PCNX2: variants seen among roughly 807,000 people sequenced by gnomAD.
PCNX2 encodes the protein pecanex 2, also known as pecanex-like protein 2.
PCNX2 carries 168 observed loss-of-function variants against 223.8 expected under a neutral mutation model. The observed-to-expected ratio is 0.75, with a 90% CI of 0.66 to 0.85. PCNX2 has a LOEUF of 0.85. Among genes scored for constraint, PCNX2 ranks in the 40% least tolerant of loss-of-function variants. PCNX2 has a pLI of 0.00. For missense variants in PCNX2, 2,507 were observed against 2,675.5 expected (o/e 0.94, Z 1.39); for synonymous variants, 1,006 against 1,052.6 (o/e 0.96, Z 0.86).
intron 1 of PCNX2, among the ~76,000 whole-genome samples, chr1:233,279,385 GTGTT>G (rs1263095676): frequency 2.3e-4 from 33 of 141,976 alleles, no homozygotes; most frequent in Non-Finnish European, 6.1e-5. Flanking sequence ...CAGCTAATTT[GTGTT>G]TGTGTGTGTG....
intron 23 of PCNX2, among the ~76,000 whole-genome samples, chr1:233,085,832 A>C (rs1364541722): frequency 6.6e-6 from 1 of 152,158 alleles, no homozygotes; most frequent in Non-Finnish European, 1.5e-5. Context: ...AGTCCCCAGC[A>C]GTTCCGATTC....
chr1:233,204,431 C>T (rs530489070), intron 13 of PCNX2, among the ~76,000 whole-genome samples: 1 of 152,288 alleles, frequency 6.6e-6, no homozygotes, highest in East Asian at 1.9e-4. Flanking sequence ...CTTCCTAGAG[C>T]TGTACACTTC....
chr1:233,176,919 G>A (rs1347168299), intron 17 of PCNX2, among the ~76,000 whole-genome samples: 1 of 152,218 alleles, frequency 6.6e-6, no homozygotes, highest in Non-Finnish European at 1.5e-5. Flanking sequence ...GGCTGAGGCA[G>A]GAGAATGGTG....
intron 1 of PCNX2, among the ~76,000 whole-genome samples, chr1:233,288,673 G>C (rs1415723340): frequency 6.6e-6 from 1 of 152,120 alleles, no homozygotes; most frequent in Non-Finnish European, 1.5e-5. Flanking sequence ...CAAGCCCTCT[G>C]CACATGCCGT....
chr1:233,236,746 A>C, intron 9 of PCNX2, 99 bp downstream of exon 9: 3 of 1,503,376 alleles, frequency 2.0e-6, no homozygotes, highest in Non-Finnish European at 2.7e-6. Context: ...ATTCAGGGAA[A>C]GAGCTGACTA....
intron 12 of PCNX2, among the ~76,000 whole-genome samples, chr1:233,209,609 A>G (rs1220774223): frequency 6.6e-6 from 1 of 152,224 alleles, no homozygotes; most frequent in Non-Finnish European, 1.5e-5. Flanking sequence ...ATATTTAGAA[A>G]TGCAATTTAA....
the PCNX2 span, among the ~76,000 whole-genome samples, chr1:233,325,381 A>G: frequency 6.6e-6 from 1 of 151,996 alleles, no homozygotes. Context: ...GACTGAGGCC[A>G]GGCACGATAG....
chr1:233,118,629 A>C (rs1487917554), intron 21 of PCNX2, among the ~76,000 whole-genome samples: 1 of 152,160 alleles, frequency 6.6e-6, no homozygotes, highest in African/African-American at 2.4e-5. Flanking sequence ...AGTCACTCAA[A>C]AAAAGGATCA....
intron 21 of PCNX2, among the ~76,000 whole-genome samples, chr1:233,117,825 A>G (rs1675507239): frequency 6.6e-6 from 1 of 151,456 alleles, no homozygotes; most frequent in Non-Finnish European, 1.5e-5. Flanking sequence ...CCCGGCTAAA[A>G]CGGTGAAACC....
chr1:233,252,529 T>C (rs200802063), intron 6 of PCNX2, 30 bp from the exon 7 acceptor site: 161 of 1,586,442 alleles, frequency 1.0e-4, no homozygotes, highest in Non-Finnish European at 1.3e-4. Context: ...TCAAAAAAAA[T>C]GATTAGAAGT....
chr1:233,297,818 G>A (rs554012461), upstream of PCNX2, among the ~76,000 whole-genome samples: 2 of 152,284 alleles, frequency 1.3e-5, no homozygotes, highest in South Asian at 4.1e-4. Context: ...TAGTACAGGG[G>A]CAAATGCTGA....
chr1:233,220,659 T>C (rs1172566683), intron 10 of PCNX2, among the ~76,000 whole-genome samples: 1 of 152,232 alleles, frequency 6.6e-6, no homozygotes, highest in Non-Finnish European at 1.5e-5. Flanking sequence ...TTTTAAGTGT[T>C]CTTTGTATAC....
chr1:233,023,889 C>G (rs1670992302), intron 26 of PCNX2, among the ~76,000 whole-genome samples: 1 of 152,208 alleles, frequency 6.6e-6, no homozygotes, highest in South Asian at 2.1e-4. Flanking sequence ...TTCTGACTTT[C>G]ACAGCCTATC....
rs1344054576 is a variant in PCNX2, at chr1:233,126,131, AGTTGGAAGGCAGAG to A, written c.3837+8868_3837+8881del. ...AGGCTGAGACAGGAGAATCGCTGGAAGTTGGAAGGCAGAGGTTGCAGTGAGCTGAGATCACGCCA... is the reference window on the plus strand; with the variant it reads ...AGGCTGAGACAGGAGAATCGCTGGAAGTTGCAGTGAGCTGAGATCACGCCA... On this transcript the variant is annotated intron_variant, in intron 21 of 33. Transcript: ENST00000258229. The surrounding 1 kb of genome is among the most constrained non-coding windows in gnomAD (Gnocchi z 4.8). The A allele has an allele frequency of 6.6e-6, 1 of 152,152 alleles. No individual in the cohort carries two copies. The highest frequency in any genetic ancestry group is 1.5e-5 in the Non-Finnish European group (1 of 68,060). 9.4% of individuals were successfully genotyped at this position (152,152 alleles called of 1,614,324 possible). A position where few individuals can be genotyped will look rare whatever the true frequency, so the allele number is the denominator to read the frequency against.
At chr1:233,199,975 A>C (rs1004169738) in intron 14 of PCNX2, among the ~76,000 whole-genome samples, 179 bp downstream of exon 14, 3 of 152,174 alleles carry the variant, frequency 2.0e-5, no homozygotes, top group African/African-American at 7.2e-5. Flanking sequence ...GACCTCTTCC[A>C]ATTTGGCTAC....
intron 1 of PCNX2, among the ~76,000 whole-genome samples, chr1:233,271,613 G>C (rs891200874): frequency 6.6e-6 from 1 of 152,088 alleles, no homozygotes; most frequent in Admixed American, 6.5e-5. Flanking sequence ...TCAGGTCTTA[G>C]GTTTAAGTCT....
chr1:233,307,116 A>G, the PCNX2 span, among the ~76,000 whole-genome samples: 1 of 152,258 alleles, frequency 6.6e-6, no homozygotes, highest in African/African-American at 2.4e-5. Context: ...TCAGAATTAT[A>G]TAATGTGAGA....
At chr1:233,252,524 A>G in intron 6 of PCNX2, 25 bp from the exon 7 acceptor site, 1 of 1,588,386 alleles carries the variant, frequency 6.3e-7, no homozygotes, top group Non-Finnish European at 8.6e-7. Context: ...AAGTTTCAAA[A>G]AAAATGATTA....
intron 2 of PCNX2, among the ~76,000 whole-genome samples, chr1:233,262,584 T>C (rs1413418583): frequency 6.6e-6 from 1 of 152,240 alleles, no homozygotes; most frequent in African/African-American, 2.4e-5. Context: ...TTCAGTTCTA[T>C]GTAATGTATT....
Sources: allele counts gnomAD v4.1 joint callset (sites outside exome capture counted in the v4.1 genomes callset), GRCh38; gene constraint gnomAD v4.1.1; non-coding constraint Gnocchi (gnomAD v3.1); transcripts MANE v1.5; gene names NCBI Gene and HGNC (gene_info 2026-07-23, HGNC 2026-07-21).